CACNA1E: variants seen among roughly 807,000 people sequenced by gnomAD.
The protein encoded by CACNA1E is voltage-dependent R-type calcium channel subunit alpha-1E.
A neutral mutation model predicts 259.2 loss-of-function variants in CACNA1E; 40 were observed. The ratio of observed to expected loss-of-function variants is 0.15; its 90% CI spans 0.12 to 0.20. CACNA1E has a LOEUF of 0.20. CACNA1E is among the 10% of genes least tolerant of loss of function. The pLI, the probability that CACNA1E is intolerant of heterozygous loss-of-function variation, is 1.00. For missense variants in CACNA1E, 1,874 were observed against 3,040.1 expected, an observed-to-expected ratio of 0.62 and a Z score of 9.02; for synonymous variants, 1,104 against 1,138.5, an observed-to-expected ratio of 0.97 and a Z score of 0.61.
At chr1:181,408,171 G>A (rs959651544) in intron 1 of CACNA1E, among the ~76,000 whole-genome samples, 1 of 152,188 alleles carries the variant, frequency 6.6e-6, no homozygotes, top group Non-Finnish European at 1.5e-5. Flanking sequence ...AGAAAAGCAT[G>A]AGTTTCATTG....
At chr1:181,771,565 T>C (rs991496853) in intron 36 of CACNA1E, 181 bp downstream of exon 36, 18 of 581,258 alleles carry the variant, frequency 3.1e-5, no homozygotes, top group African/African-American at 2.8e-4. Flanking sequence ...AGTTTTGTCT[T>C]GTCTACAGCC....
chr1:181,493,625 G>T lies in CACNA1E; in HGVS notation c.266+9615G>T, dbSNP rs551660470. ...TACTATGGCATTGAACAGCACAGTT[G>T]GTGGATTTTTGGTGATGATAGACAT... On this transcript the variant is annotated intron_variant, in intron 1 of 47. Transcript: ENST00000367573. Among the ~76,000 whole-genome samples, 56 of 152,302 alleles carry T rather than the reference G, an allele frequency of 3.7e-4. No homozygotes were observed. In the South Asian group the frequency reaches 9.5e-3, roughly 26 times the overall value.
chr1:181,461,224 A>C (rs996888400), intron 2 of CACNA1E, among the ~76,000 whole-genome samples: 4 of 152,162 alleles, frequency 2.6e-5, no homozygotes, highest in Non-Finnish European at 5.9e-5. Context: ...AATGACTATG[A>C]TAGTACCCCT....
At chr1:181,541,444 TG>T (rs1372412022) in intron 3 of CACNA1E, among the ~76,000 whole-genome samples, 2 of 149,476 alleles carry the variant, frequency 1.3e-5, no homozygotes, top group Admixed American at 6.6e-5. Context: ...AGGTAGACAA[TG>T]AAAAAAAAAA....
intron 43 of CACNA1E, among the ~76,000 whole-genome samples, chr1:181,787,560 A>ATATT (rs1160879256): frequency 1.3e-5 from 2 of 152,180 alleles, no homozygotes; most frequent in Admixed American, 6.5e-5. Context: ...ATTTTTACCA[A>ATATT]TATTTATTAA....
intron 39 of CACNA1E, among the ~76,000 whole-genome samples, chr1:181,782,389 T>C (rs914567064): frequency 1.3e-5 from 2 of 152,246 alleles, no homozygotes; most frequent in African/African-American, 2.4e-5. Context: ...TAGTAATAGT[T>C]ACTGTTAGTT....
At chr1:181,452,632 C>A (rs1420634782) in intron 2 of CACNA1E, among the ~76,000 whole-genome samples, 2 of 152,206 alleles carry the variant, frequency 1.3e-5, no homozygotes, top group Non-Finnish European at 2.9e-5. Context: ...CCCAAGGAAG[C>A]ATTTCCCAAT....
At chr1:181,609,370 G>A (rs1393162267) in intron 6 of CACNA1E, among the ~76,000 whole-genome samples, 1 of 152,184 alleles carries the variant, frequency 6.6e-6, no homozygotes, top group East Asian at 1.9e-4. Flanking sequence ...TGCTTTGAGA[G>A]GGAGAGGCTT....
At chr1:181,572,646 G>A (rs1455734784) in intron 3 of CACNA1E, among the ~76,000 whole-genome samples, 3 of 152,156 alleles carry the variant, frequency 2.0e-5, no homozygotes. Flanking sequence ...CTCTTGAGGA[G>A]CACAGATATA....
Position 181,651,319 on chromosome 1 carries a change from C to T in CACNA1E, c.952-19C>T. 1 of 1,522,956 alleles carries T rather than the reference C, an allele frequency of 6.6e-7. No homozygotes were observed. The highest frequency in any genetic ancestry group is 9.1e-7 in the Non-Finnish European group (1 of 1,098,158). 94.3% of individuals were successfully genotyped at this position (1,522,956 alleles called of 1,614,324 possible). On this transcript the variant is annotated intron_variant, in intron 6 of 47. Transcript: ENST00000367573. ...GAAGATGGCTTTAAGTATTAAGGAA[C>T]CATTTTTCTTTCTTTCAGACCAATG... is the stretch of plus-strand genomic sequence containing the variant.
intron 6 of CACNA1E, among the ~76,000 whole-genome samples, chr1:181,588,455 C>T (rs1471961176): frequency 6.6e-6 from 1 of 152,184 alleles, no homozygotes; most frequent in Non-Finnish European, 1.5e-5. Context: ...GGGAAGAAAC[C>T]GGCGTTTTCT....
intron 7 of CACNA1E, among the ~76,000 whole-genome samples, chr1:181,662,860 C>T (rs1381822856): frequency 6.6e-6 from 1 of 152,212 alleles, no homozygotes; most frequent in Non-Finnish European, 1.5e-5. Context: ...TTGGGCCCCA[C>T]ATGAGGCCAT....
intron 41 of CACNA1E, 100 bp from the exon 42 acceptor site, chr1:181,785,218 A>G (rs1660755088): frequency 1.4e-6 from 1 of 736,470 alleles, no homozygotes; most frequent in Middle Eastern, 2.3e-4. Flanking sequence ...GACTGATAGC[A>G]CAGACCTGTT....
Position 181,752,654 on chromosome 1 carries a change from T to C in CACNA1E, c.3828+415T>C, listed in dbSNP as rs113718373. 7.0e-3 allele frequency among the ~76,000 whole-genome samples: 1,067 copies of C among 152,330 alleles called. 15 individuals carry two copies. The highest frequency in any genetic ancestry group is 0.023 in the African/African-American group (962 of 41,568). On this transcript the variant is annotated intron_variant, in intron 27 of 47. Coordinates refer to ENST00000367573, the MANE Select transcript of CACNA1E (RefSeq NM_001205293.3). ...ATCCTGGGACATTTTCTTTTTCTTA[T>C]AACTCAAGAGGAGAAGAGGCTCTTC...
In CACNA1E at chr1:181,498,588, C is replaced by T. The variant is rs887935384; in HGVS notation, c.267-11889C>T. 2.6e-5 allele frequency among the ~76,000 whole-genome samples: 4 copies of T among 152,124 alleles called. No homozygotes were observed. In the South Asian group the frequency reaches 8.3e-4, roughly 32 times the overall value. On this transcript the variant is annotated intron_variant, in intron 1 of 47. Transcript: ENST00000367573. ...TGCTCTTTCTTTCTCCTCCATTTCCCTTCCCATCATGTTCCTCATTAGCAT... is the reference window on the plus strand; with the variant it reads ...TGCTCTTTCTTTCTCCTCCATTTCCTTTCCCATCATGTTCCTCATTAGCAT...
At chr1:181,528,005 C>G (rs1667488880) in intron 3 of CACNA1E, among the ~76,000 whole-genome samples, 1 of 152,064 alleles carries the variant, frequency 6.6e-6, no homozygotes, top group Admixed American at 6.5e-5. Context: ...GATTATCAAA[C>G]TCTTGTGGTG....
At chr1:181,625,840 C>T (rs1292339384) in intron 6 of CACNA1E, among the ~76,000 whole-genome samples, 1 of 152,208 alleles carries the variant, frequency 6.6e-6, no homozygotes, top group African/African-American at 2.4e-5. Flanking sequence ...CAGCCTTCGC[C>T]ATGCCTTCCT....
intron 25 of CACNA1E, among the ~76,000 whole-genome samples, chr1:181,748,068 T>G (rs1657261721): frequency 6.6e-6 from 1 of 152,262 alleles, no homozygotes; most frequent in Non-Finnish European, 1.5e-5. Context: ...TTCATAGCTT[T>G]TCAATGGCTC....
chr1:181,509,591 G>A (rs1665997161), intron 1 of CACNA1E, among the ~76,000 whole-genome samples: 1 of 152,224 alleles, frequency 6.6e-6, no homozygotes, highest in African/African-American at 2.4e-5. Context: ...GGGAGCTGGT[G>A]ATTCCCTCTT....
Sources: gnomAD v4.1 joint callset for allele counts (sites outside exome capture counted in the v4.1 genomes callset) on GRCh38, gnomAD v4.1.1 for gene constraint, MANE v1.5 for transcripts, NCBI Gene and HGNC (gene_info 2026-07-23, HGNC 2026-07-21) for gene names.